The following SLC30A6 variants were observed in gnomAD, a reference collection of about 807,000 sequenced individuals.
The protein encoded by SLC30A6 is zinc transporter 6.
In SLC30A6, 55 loss-of-function variants were observed where a neutral mutation model predicts 63.0. The ratio of observed to expected loss-of-function variants is 0.87; its 90% CI spans 0.70 to 1.09. SLC30A6 has a LOEUF of 1.09. Ranked by LOEUF, SLC30A6 falls within the 50% of genes least tolerant of loss-of-function variation. The probability of loss-of-function intolerance (pLI) is 0.00; values close to 1 mark genes in which losing one functional copy is unlikely to be tolerated. For synonymous variants in SLC30A6, 224 were observed against 186.1 expected (o/e 1.20, Z -1.66); for missense variants, 587 against 549.2 (o/e 1.07, Z -0.69).
intron 10 of SLC30A6, among the ~76,000 whole-genome samples, chr2:32,198,237 A>G (rs1466160825): frequency 6.6e-6 from 1 of 152,174 alleles, no homozygotes; most frequent in African/African-American, 2.4e-5. Flanking sequence ...ATGGCATATG[A>G]TTCTTTGGCT....
At chr2:32,175,709 C>T (rs895486065) in intron 4 of SLC30A6, among the ~76,000 whole-genome samples, 7 of 152,180 alleles carry the variant, frequency 4.6e-5, no homozygotes, top group Non-Finnish European at 8.8e-5. Flanking sequence ...GGTGGGGCGG[C>T]TCATGCCTGC....
chr2:32,179,687 C>G (rs1305491911), intron 4 of SLC30A6, among the ~76,000 whole-genome samples: 3 of 152,002 alleles, frequency 2.0e-5, no homozygotes, highest in Non-Finnish European at 4.4e-5. Context: ...GCAAGATACA[C>G]AACAGTGTAT....
chr2:32,202,936 G>A (rs1684422062), intron 10 of SLC30A6: 5 of 1,118,924 alleles, frequency 4.5e-6, no homozygotes, highest in Non-Finnish European at 6.9e-6. Context: ...GCAGTTACTG[G>A]AGATGTCCTT....
intron 10 of SLC30A6, among the ~76,000 whole-genome samples, chr2:32,199,577 A>G (rs911513799): frequency 6.6e-6 from 1 of 152,106 alleles, no homozygotes; most frequent in African/African-American, 2.4e-5. Context: ...GCTCTTGTTT[A>G]TTTTAAAATG....
chr2:32,194,552 A>T (rs1439418513), intron 8 of SLC30A6, among the ~76,000 whole-genome samples: 1 of 152,190 alleles, frequency 6.6e-6, no homozygotes, highest in East Asian at 1.9e-4. Context: ...AGTGTTTTGG[A>T]ATCCCACTAA....
chr2:32,203,803 G>T lies in SLC30A6; in HGVS notation c.666-787G>T, dbSNP rs1684503083. 9.5e-6 allele frequency: 14 copies of T among 1,468,962 alleles called. No individual in the cohort carries two copies. The Admixed American group carries it at 2.3e-4, about 25-fold the overall frequency. The allele number at this position is 1,468,962 out of a possible 1,614,324, so 91.0% of individuals were successfully genotyped here. A position where few individuals can be genotyped will look rare whatever the true frequency, so the allele number is the denominator to read the frequency against. On this transcript the variant is annotated intron_variant, in intron 10 of 13. Transcript: ENST00000282587. ...ATTACCTGAAATTGAAGAATATTAT[G>T]ATAGAAACACATCTTCTAATTCCAG...
intron 1 of SLC30A6, among the ~76,000 whole-genome samples, chr2:32,169,133 TACAC>T (rs1273580422): frequency 6.6e-6 from 1 of 152,006 alleles, no homozygotes; most frequent in Non-Finnish European, 1.5e-5. Flanking sequence ...CATATGTACA[TACAC>T]ATATATATAA....
intron 5 of SLC30A6, among the ~76,000 whole-genome samples, chr2:32,191,603 TATA>T (rs1683325227): frequency 6.6e-6 from 1 of 152,354 alleles, no homozygotes; most frequent in South Asian, 2.1e-4. Context: ...TGAGAGGCAG[TATA>T]ATAAGTGGTT....
At chr2:32,172,497 C>T (rs1681327723) in intron 2 of SLC30A6, among the ~76,000 whole-genome samples, 1 of 151,958 alleles carries the variant, frequency 6.6e-6, no homozygotes, top group South Asian at 2.1e-4. Context: ...TACAGGGGTA[C>T]ACCACCACTC....
chr2:32,192,963 T>G lies in SLC30A6; in HGVS notation c.401+10T>G. 2 of 1,485,502 alleles carry G rather than the reference T, an allele frequency of 1.3e-6. No homozygotes were observed. Among genetic ancestry groups the G allele is most frequent in the Non-Finnish European group, 1.8e-6 (2 of 1,089,512 alleles). The allele number at this position is 1,485,502 out of a possible 1,614,324, so 92.0% of individuals were successfully genotyped here. A position where few individuals can be genotyped will look rare whatever the true frequency, so the allele number is the denominator to read the frequency against. On this transcript the variant is annotated intron_variant, in intron 7 of 13. Coordinates refer to ENST00000282587, the MANE Select transcript of SLC30A6 (RefSeq NM_017964.5). ...AGCCCGAGATACACACGTGAGATTT[T>G]ATTTTCAATATATAATTTACTATTG...
At chr2:32,173,997 C>G in intron 2 of SLC30A6, 66 bp from the exon 3 acceptor site, 2 of 1,211,188 alleles carry the variant, frequency 1.7e-6, no homozygotes, top group Non-Finnish European at 2.4e-6. Context: ...TAAATTGTAG[C>G]AACTTGAACA....
At chr2:32,217,324 A>G (rs1685796742) in intron 13 of SLC30A6, among the ~76,000 whole-genome samples, 1 of 152,216 alleles carries the variant, frequency 6.6e-6, no homozygotes, top group South Asian at 2.1e-4. Context: ...TTGAATAGGT[A>G]GTCCTTTCCC....
At position 32,220,271 on chromosome 2, in the gene SLC30A6, A is replaced by G. The variant is rs779777303; in HGVS notation, c.944A>G (p.His315Arg). 2 of 1,614,206 alleles carry G rather than the reference A, an allele frequency of 1.2e-6. No individual in the cohort carries two copies. Among genetic ancestry groups the G allele is most frequent in the East Asian group, 2.2e-5 (1 of 44,888 alleles). ...GCCAATGAACAAATGGTTCTTGCTCATGTGACCAACAGGCTGTACACTCTA... is the reference window on the plus strand; with the variant it reads ...GCCAATGAACAAATGGTTCTTGCTCGTGTGACCAACAGGCTGTACACTCTA... ...RDANEQMVLAHVTNRLYTLVS... is the reference protein window; with the variant it reads ...RDANEQMVLARVTNRLYTLVS... The change falls in exon 14 of 14, where the codon CAT (histidine) becomes CGT (arginine). Residue 315 changes from histidine (H) to arginine (R), a missense_variant. Physicochemically the swap from His to Arg is conservative, Grantham distance 29 (BLOSUM62 0). Coordinates refer to ENST00000282587, the MANE Select transcript of SLC30A6 (RefSeq NM_017964.5).
chr2:32,193,492 C>T (rs184230807), intron 7 of SLC30A6, among the ~76,000 whole-genome samples: 4 of 152,148 alleles, frequency 2.6e-5, no homozygotes. Flanking sequence ...TTGTATGTAT[C>T]ATATATATGA....
intron 1 of SLC30A6, among the ~76,000 whole-genome samples, chr2:32,166,587 C>A (rs916789903): frequency 6.6e-6 from 1 of 152,230 alleles, no homozygotes; most frequent in African/African-American, 2.4e-5. Flanking sequence ...ATATATAGCT[C>A]TGAACTTTAA....
At chr2:32,193,642 G>C (rs1016210217) in intron 7 of SLC30A6, among the ~76,000 whole-genome samples, 1 of 152,060 alleles carries the variant, frequency 6.6e-6, no homozygotes. Context: ...ATTTATAACA[G>C]CGTTTACCTG....
rs879169670 is a variant in SLC30A6, at chr2:32,220,157, A to T, written c.886-56A>T. ...ATAAATAAAATGTTTTATCTAATGA[A>T]TTTTTTGTTAGTATAATTCTAAGCA... On this transcript the variant is annotated intron_variant, in intron 13 of 13. Transcript: ENST00000282587. The T allele has an allele frequency of 3.3e-6, 5 of 1,524,150 alleles. No individual in the cohort carries two copies. The South Asian group carries it at 5.2e-5, about 16-fold the overall frequency. 94.4% of individuals were successfully genotyped at this position (1,524,150 alleles called of 1,614,324 possible). A position where few individuals can be genotyped will look rare whatever the true frequency, so the allele number is the denominator to read the frequency against.
intron 2 of SLC30A6, 43 bp from the exon 3 acceptor site, chr2:32,174,020 T>C (rs766127346): frequency 2.7e-6 from 4 of 1,481,860 alleles, no homozygotes; most frequent in South Asian, 2.4e-5. Flanking sequence ...CCCCGTGAAA[T>C]TTATCACTTC....
intron 1 of SLC30A6, among the ~76,000 whole-genome samples, chr2:32,168,354 T>C (rs1038191284): frequency 6.0e-5 from 9 of 150,620 alleles, no homozygotes; most frequent in African/African-American, 1.9e-4. Flanking sequence ...TAAAATAAAA[T>C]ATTGAGAAAA....
Sources: gnomAD v4.1 joint callset for allele counts (sites outside exome capture counted in the v4.1 genomes callset) on GRCh38, gnomAD v4.1.1 for gene constraint, MANE v1.5 for transcripts, NCBI Gene and HGNC (gene_info 2026-07-23, HGNC 2026-07-21) for gene names.